IL1RAPL2: variants seen among roughly 807,000 people sequenced by gnomAD.
The protein encoded by IL1RAPL2 is X-linked interleukin-1 receptor accessory protein-like 2.
A neutral mutation model predicts 44.1 loss-of-function variants in IL1RAPL2; 3 were observed. The observed-to-expected ratio is 0.07, with a 90% CI of 0.03 to 0.18. The LOEUF is 0.18. Among genes scored for constraint, IL1RAPL2 ranks in the 10% least tolerant of loss-of-function variants. IL1RAPL2 has a pLI of 1.00. For synonymous variants in IL1RAPL2, 181 were observed against 178.8 expected (o/e 1.01, Z -0.10); for missense variants, 391 against 496.4 (o/e 0.79, Z 2.02).
Position 104,840,800 on chromosome X carries a change from G to A in IL1RAPL2, c.82+181805G>A, listed in dbSNP as rs750993876. Among the ~76,000 whole-genome samples, 317 of 109,570 alleles carry A rather than the reference G, an allele frequency of 2.9e-3. 1 individual carries two copies. The highest frequency in any genetic ancestry group is 8.8e-3 in the African/African-American group (266 of 30,108). ...AGCGATTTTCCTGCCTCAGCCTCCC[G>A]AGTAGCTGGGATTACCGGCACATGC... On this transcript the variant is annotated intron_variant, in intron 2 of 10. Transcript: ENST00000372582.
intron 6 of IL1RAPL2, among the ~76,000 whole-genome samples, chrX:105,538,191 C>T (rs1188742463): frequency 2.8e-5 from 3 of 108,746 alleles, no homozygotes; most frequent in East Asian, 2.9e-4. Context: ...CACCCGCCAC[C>T]ACGCCCGGCT....
At chrX:105,663,048 T>C (rs985242094) in intron 6 of IL1RAPL2, among the ~76,000 whole-genome samples, 1 of 112,211 alleles carries the variant, frequency 8.9e-6, no homozygotes, top group Admixed American at 9.5e-5. Flanking sequence ...TTCTATATGA[T>C]ACTTACCTAT....
In IL1RAPL2 at chrX:104,902,110, G is replaced by A. The variant is rs144614726; in HGVS notation, c.82+243115G>A. ...AATAAAATCATATTTACACTTGGGC[G>A]TTTCTATGAGCTCTCTTTAGCCTTT... On this transcript the variant is annotated intron_variant, in intron 2 of 10. Coordinates refer to ENST00000372582, the MANE Select transcript of IL1RAPL2 (RefSeq NM_017416.2). Among the ~76,000 whole-genome samples, 842 of 111,771 alleles carry A rather than the reference G, an allele frequency of 7.5e-3. 4 individuals are homozygous for A. The highest frequency in any genetic ancestry group is 0.013 in the Non-Finnish European group (678 of 53,155).
chrX:105,272,290 AAAG>A (rs995877731), intron 5 of IL1RAPL2, among the ~76,000 whole-genome samples: 11 of 111,657 alleles, frequency 9.9e-5, no homozygotes, highest in Non-Finnish European at 1.9e-4. Context: ...AATAAAAAAA[AAAG>A]AAGGTCAAAG....
intron 1 of IL1RAPL2, among the ~76,000 whole-genome samples, chrX:104,655,177 C>T (rs1434519806): frequency 9.0e-6 from 1 of 111,394 alleles, no homozygotes; most frequent in Non-Finnish European, 1.9e-5. Context: ...CTTTCTCCTG[C>T]CTGATTGCCC....
At chrX:105,250,731 A>G (rs1421780492) in intron 4 of IL1RAPL2, among the ~76,000 whole-genome samples, 1 of 111,075 alleles carries the variant, frequency 9.0e-6, no homozygotes, top group African/African-American at 3.3e-5. Flanking sequence ...TGGACAACAT[A>G]ATTACACAGT....
chrX:104,642,257 C>T (rs1929948911), intron 1 of IL1RAPL2, among the ~76,000 whole-genome samples: 1 of 111,858 alleles, frequency 8.9e-6, no homozygotes. Flanking sequence ...ACTGTCCATA[C>T]ACTATTTTCG....
At chrX:104,658,513 TA>T (rs1375950982) in intron 1 of IL1RAPL2, among the ~76,000 whole-genome samples, 1 of 112,240 alleles carries the variant, frequency 8.9e-6, no homozygotes, top group African/African-American at 3.2e-5. Context: ...AAAACTTCTA[TA>T]AATGACAAGT....
chrX:104,597,967 A>G (rs1374415996), intron 1 of IL1RAPL2, among the ~76,000 whole-genome samples: 1 of 112,245 alleles, frequency 8.9e-6, no homozygotes, highest in Admixed American at 9.5e-5. Flanking sequence ...CTTTTTGTCT[A>G]TAAATTGACT....
intron 1 of IL1RAPL2, among the ~76,000 whole-genome samples, chrX:104,649,054 T>G (rs186676601): frequency 9.0e-6 from 1 of 111,569 alleles, no homozygotes; most frequent in Admixed American, 9.5e-5. Context: ...CCACTTCTAA[T>G]TTTTTCTCTC....
rs1439608204 is a variant in IL1RAPL2 at position 105,035,211 on chromosome X, C to A, written c.83-160264C>A. 2.7e-5 allele frequency among the ~76,000 whole-genome samples: 3 copies of A among 111,837 alleles called. 1 individual carries two copies. The highest frequency in any genetic ancestry group is 9.8e-5 in the African/African-American group (3 of 30,715). On this transcript the variant is annotated intron_variant, in intron 2 of 10. Coordinates refer to ENST00000372582, the MANE Select transcript of IL1RAPL2 (RefSeq NM_017416.2). ...CTTCCCGAGTGAGGCAATGCCTTAT[C>A]CTGCTTCGGCTCACGCACGGTGCAC...
intron 2 of IL1RAPL2, among the ~76,000 whole-genome samples, chrX:104,716,074 T>C (rs934923185): frequency 3.1e-4 from 34 of 111,137 alleles, no homozygotes; most frequent in African/African-American, 1.1e-3. Context: ...ATGGTACTAG[T>C]ATAAAAACAG....
intron 3 of IL1RAPL2, among the ~76,000 whole-genome samples, chrX:105,200,739 C>T (rs1195763989): frequency 1.8e-5 from 2 of 111,342 alleles, no homozygotes; most frequent in African/African-American, 3.3e-5. Context: ...TGGCGAAACC[C>T]GGTCTCTACT....
At chrX:105,242,972 G>A (rs1385372692) in intron 4 of IL1RAPL2, among the ~76,000 whole-genome samples, 1 of 110,612 alleles carries the variant, frequency 9.0e-6, no homozygotes, top group Non-Finnish European at 1.9e-5. Flanking sequence ...GATGGTGCAT[G>A]CCTGTAATCT....
At chrX:104,793,269 G>A (rs1332293825) in intron 2 of IL1RAPL2, among the ~76,000 whole-genome samples, 1 of 112,020 alleles carries the variant, frequency 8.9e-6, no homozygotes, top group African/African-American at 3.2e-5. Flanking sequence ...CCCATTGAGA[G>A]GCTGAGAATC....
chrX:104,897,570 TCAAA>T (rs779778053), intron 2 of IL1RAPL2, among the ~76,000 whole-genome samples: 1 of 112,511 alleles, frequency 8.9e-6, no homozygotes, highest in African/African-American at 3.2e-5. Context: ...GGGAAAATTA[TCAAA>T]CAATTTGTGA....
At chrX:105,297,643 G>A (rs748118084) in intron 5 of IL1RAPL2, among the ~76,000 whole-genome samples, 1 of 110,708 alleles carries the variant, frequency 9.0e-6, no homozygotes, top group Non-Finnish European at 1.9e-5. Context: ...GAACAGGGTG[G>A]GGGAAACTGC....
intron 6 of IL1RAPL2, among the ~76,000 whole-genome samples, chrX:105,708,790 A>C (rs1449186146): frequency 8.9e-6 from 1 of 112,004 alleles, no homozygotes; most frequent in Non-Finnish European, 1.9e-5. Context: ...ATATGGACTG[A>C]AACCATTTTT....
rs57973492 is a variant in IL1RAPL2 at position 104,687,338 on chromosome X, G to A, written c.82+28343G>A. 6.2e-3 allele frequency among the ~76,000 whole-genome samples: 694 copies of A among 111,990 alleles called. 3 individuals carry two copies. The highest frequency in any genetic ancestry group is 0.021 in the African/African-American group (660 of 30,835). ...GCAGAAGGTGAATGGGAGTTGGCAC[G>A]TGCACATCACACAGCCAGAGAGGAG... On this transcript the variant is annotated intron_variant, in intron 2 of 10. Transcript: ENST00000372582.
Sources: allele counts gnomAD v4.1 joint callset (sites outside exome capture counted in the v4.1 genomes callset), GRCh38; gene constraint gnomAD v4.1.1; transcripts MANE v1.5; gene names NCBI Gene and HGNC (gene_info 2026-07-23, HGNC 2026-07-21).